Variants in PRKAA2 observed in about 807,000 individuals in gnomAD.
PRKAA2 encodes 5'-AMP-activated protein kinase catalytic subunit alpha-2.
PRKAA2 carries 40 observed loss-of-function variants against 56.3 expected under a neutral mutation model. The observed-to-expected ratio is 0.71, with a 90% CI of 0.55 to 0.92. The LOEUF is 0.92. Among genes scored for constraint, PRKAA2 ranks in the 40% least tolerant of loss-of-function variants. The probability of loss-of-function intolerance (pLI) is 0.00; values close to 1 mark genes in which losing one functional copy is unlikely to be tolerated. For synonymous variants in PRKAA2, 214 were observed against 234.2 expected (o/e 0.91, Z 0.79); for missense variants, 542 against 686.9 (o/e 0.79, Z 2.36).
intron 6 of PRKAA2, among the ~76,000 whole-genome samples, chr1:56,701,735 C>T (rs1276394070): frequency 6.6e-6 from 1 of 151,666 alleles, no homozygotes; most frequent in African/African-American, 2.4e-5. Flanking sequence ...TAAAAAAATA[C>T]AACAAAAAAT....
chr1:56,710,535 C>T lies in PRKAA2; in HGVS notation c.*2822C>T, dbSNP rs1644363145. ...TTAGGAAAATACTGTCCCAGAATGC[C>T]ATAATTAGGGTAGTTAATAATTAAC... On this transcript the variant is annotated 3_prime_UTR_variant, in exon 9 of 9. Coordinates refer to ENST00000371244, the MANE Select transcript of PRKAA2 (RefSeq NM_006252.4). The T allele has an allele frequency of 6.6e-6, 1 of 152,044 alleles. No individual in the cohort carries two copies. 9.4% of individuals were successfully genotyped at this position (152,044 alleles called of 1,614,324 possible). A position where few individuals can be genotyped will look rare whatever the true frequency, so the allele number is the denominator to read the frequency against.
At position 56,645,373 on chromosome 1, in the gene PRKAA2, C is replaced by G; in HGVS notation, c.-15C>G. ...CGGAGCGGCAGGCGGTGGAGCGAGG[C>G]CGCGCGCGCCGAAGATGGCTGAGAA... On this transcript the variant is annotated 5_prime_UTR_variant, in exon 1 of 9. Transcript: ENST00000371244. 2.1e-6 allele frequency: 3 copies of G among 1,461,416 alleles called. No homozygotes were observed. The highest frequency in any genetic ancestry group is 2.7e-6 in the Non-Finnish European group (3 of 1,097,158). The allele number at this position is 1,461,416 out of a possible 1,614,324, so 90.5% of individuals were successfully genotyped here.
chr1:56,705,225 A>G (rs1261233099), intron 7 of PRKAA2, among the ~76,000 whole-genome samples: 1 of 152,202 alleles, frequency 6.6e-6, no homozygotes, highest in Non-Finnish European at 1.5e-5. Flanking sequence ...TTATTTGTAC[A>G]TGAAATGAAT....
intron 1 of PRKAA2, among the ~76,000 whole-genome samples, chr1:56,654,682 C>G (rs927500191): frequency 6.6e-6 from 1 of 151,874 alleles, no homozygotes; most frequent in South Asian, 2.1e-4. Flanking sequence ...TATGATGAAC[C>G]TTTTTATTTT....
chr1:56,679,743 C>T (rs1314704474), intron 2 of PRKAA2, among the ~76,000 whole-genome samples: 1 of 152,008 alleles, frequency 6.6e-6, no homozygotes, highest in East Asian at 1.9e-4. Flanking sequence ...TACATTTGAC[C>T]CTTGAACGGT....
At chr1:56,702,128 G>T (rs1440943068) in intron 6 of PRKAA2, among the ~76,000 whole-genome samples, 15 of 150,394 alleles carry the variant, frequency 1.0e-4, no homozygotes, top group Admixed American at 9.3e-4. Flanking sequence ...TTGTTGCCCA[G>T]GCTGGAGTGC....
At chr1:56,648,555 C>T (rs914787446) in intron 1 of PRKAA2, among the ~76,000 whole-genome samples, 2 of 152,132 alleles carry the variant, frequency 1.3e-5, no homozygotes, top group Non-Finnish European at 2.9e-5. Flanking sequence ...TTTCATACAC[C>T]TTGGGTAAAT....
At chr1:56,688,398 A>G (rs186628005) in intron 2 of PRKAA2, among the ~76,000 whole-genome samples, 4 of 152,338 alleles carry the variant, frequency 2.6e-5, no homozygotes, top group Non-Finnish European at 4.4e-5. Flanking sequence ...CTAAATACAT[A>G]TTCATTAATC....
intron 1 of PRKAA2, among the ~76,000 whole-genome samples, chr1:56,648,084 T>G (rs1259119927): frequency 1.3e-5 from 2 of 152,018 alleles, no homozygotes; most frequent in African/African-American, 4.8e-5. Context: ...ATTTTATATA[T>G]GAAATTCATC....
intron 4 of PRKAA2, among the ~76,000 whole-genome samples, chr1:56,693,395 A>G (rs750547202): frequency 6.6e-6 from 1 of 152,166 alleles, no homozygotes; most frequent in Non-Finnish European, 1.5e-5. Context: ...TTGAAAGCAC[A>G]GGGCAAAAAA....
intron 4 of PRKAA2, 102 bp from the exon 5 acceptor site, chr1:56,693,663 G>A (rs1644242183): frequency 1.6e-6 from 1 of 635,374 alleles, no homozygotes; most frequent in Admixed American, 3.4e-5. Context: ...AAAAAAAAAT[G>A]ATATATGGAG....
intron 1 of PRKAA2, among the ~76,000 whole-genome samples, chr1:56,655,684 T>C (rs1171466963): frequency 6.6e-6 from 1 of 152,050 alleles, no homozygotes; most frequent in Non-Finnish European, 1.5e-5. Flanking sequence ...AGGACAAATA[T>C]CCAGACTATG....
intron 1 of PRKAA2, among the ~76,000 whole-genome samples, chr1:56,673,648 A>G (rs2100404148): frequency 6.6e-6 from 1 of 152,362 alleles, no homozygotes; most frequent in South Asian, 2.1e-4. Flanking sequence ...GACTATATTT[A>G]TCATAGAATA....
chr1:56,697,769 C>T (rs1158907640), intron 6 of PRKAA2, among the ~76,000 whole-genome samples: 3 of 151,688 alleles, frequency 2.0e-5, no homozygotes, highest in Non-Finnish European at 4.4e-5. Context: ...TCAAGACTAG[C>T]CTGGTCAACA....
intron 1 of PRKAA2, among the ~76,000 whole-genome samples, chr1:56,651,971 A>G (rs1346644872): frequency 6.8e-6 from 1 of 147,112 alleles, no homozygotes; most frequent in East Asian, 2.0e-4. Context: ...CCTCCCCAGT[A>G]GCTGAGACTA....
rs540533670 is a variant in PRKAA2, at chr1:56,657,307, AT to A, written c.94+11835del. ...GAAAACAAGGAAAAAATGGAATGGA[AT>A]TTTTTTTTACCTTCGAAGAGGTAAA... is the stretch of plus-strand genomic sequence containing the variant. On this transcript the variant is annotated intron_variant, in intron 1 of 8. Transcript: ENST00000371244. Among the ~76,000 whole-genome samples the A allele has an allele frequency of 3.2e-3, 489 of 152,000 alleles. 5 individuals are homozygous for A. Among genetic ancestry groups the A allele is most frequent in the Middle Eastern group, 0.014 (4 of 292 alleles).
intron 2 of PRKAA2, among the ~76,000 whole-genome samples, chr1:56,680,245 G>A (rs1199373628): frequency 6.6e-6 from 1 of 151,934 alleles, no homozygotes; most frequent in East Asian, 1.9e-4. Context: ...AGCACTCAAT[G>A]TTCACCTTTT....
At chr1:56,656,461 A>G (rs915889554) in intron 1 of PRKAA2, among the ~76,000 whole-genome samples, 2 of 152,166 alleles carry the variant, frequency 1.3e-5, no homozygotes, top group East Asian at 1.9e-4. Flanking sequence ...GGTTAACTGC[A>G]TTTGGACTGG....
At chr1:56,668,983 TA>T (rs1261284222) in intron 1 of PRKAA2, among the ~76,000 whole-genome samples, 1 of 152,196 alleles carries the variant, frequency 6.6e-6, no homozygotes, top group East Asian at 1.9e-4. Context: ...AGGAGTGGCT[TA>T]AAAGCTTTAT....
Sources: allele counts gnomAD v4.1 joint callset (sites outside exome capture counted in the v4.1 genomes callset), GRCh38; gene constraint gnomAD v4.1.1; transcripts MANE v1.5; gene names NCBI Gene and HGNC (gene_info 2026-07-23, HGNC 2026-07-21).